The following SLC24A2 variants were observed in gnomAD, a reference collection of about 807,000 sequenced individuals.
SLC24A2 encodes the protein solute carrier family 24 member 2.
A neutral mutation model predicts 62.0 loss-of-function variants in SLC24A2; 36 were observed. That is an observed-to-expected ratio of 0.58 (90% CI 0.44 to 0.77). SLC24A2 has a LOEUF of 0.77. Among genes scored for constraint, SLC24A2 ranks in the 30% least tolerant of loss-of-function variants. The pLI is 0.00. For synonymous variants in SLC24A2, 358 were observed against 294.0 expected (o/e 1.22, Z -2.23); for missense variants, 846 against 817.9 (o/e 1.03, Z -0.42).
At chr9:19,637,477 G>T (rs903008494) in intron 2 of SLC24A2, among the ~76,000 whole-genome samples, 8 of 152,142 alleles carry the variant, frequency 5.3e-5, no homozygotes, top group African/African-American at 1.9e-4. Flanking sequence ...ATCTGTGATT[G>T]CATTCACCTT....
chr9:19,656,707 T>C (rs1818953371), intron 2 of SLC24A2, among the ~76,000 whole-genome samples: 1 of 152,222 alleles, frequency 6.6e-6, no homozygotes, highest in Non-Finnish European at 1.5e-5. Flanking sequence ...TCCTCCTCTT[T>C]TGAAATCTGA....
chr9:20,244,443 C>T, the SLC24A2 span, among the ~76,000 whole-genome samples: 1 of 152,168 alleles, frequency 6.6e-6, no homozygotes, highest in Non-Finnish European at 1.5e-5. Flanking sequence ...AGGCAGAGGA[C>T]CCGCCCAGCC....
At chr9:20,050,667 T>C in the SLC24A2 span, among the ~76,000 whole-genome samples, 4 of 152,272 alleles carry the variant, frequency 2.6e-5, no homozygotes, top group South Asian at 6.2e-4. Context: ...ATTTGATAGG[T>C]GAAGAAACTC....
the SLC24A2 span, among the ~76,000 whole-genome samples, chr9:20,237,339 AAAAAAG>A: frequency 6.6e-6 from 1 of 152,204 alleles, no homozygotes; most frequent in Non-Finnish European, 1.5e-5. Context: ...ATTCACTGTC[AAAAAAG>A]AAACAGGCTG....
chr9:19,750,162 T>C (rs1821942206), intron 2 of SLC24A2, among the ~76,000 whole-genome samples: 1 of 152,182 alleles, frequency 6.6e-6, no homozygotes, highest in Non-Finnish European at 1.5e-5. Context: ...TAAAGCTGAC[T>C]GGAAGATAAT....
chr9:19,902,321 A>C, the SLC24A2 span, among the ~76,000 whole-genome samples: 1 of 152,184 alleles, frequency 6.6e-6, no homozygotes, highest in Non-Finnish European at 1.5e-5. Flanking sequence ...TTTAGTTTAC[A>C]AGACTGAGTA....
At chr9:19,883,036 G>A in the SLC24A2 span, among the ~76,000 whole-genome samples, 4 of 152,156 alleles carry the variant, frequency 2.6e-5, no homozygotes, top group East Asian at 1.9e-4. Flanking sequence ...CATGCTGTGC[G>A]TTAGATCTCT....
chr9:19,690,227 G>T (rs1340317186), intron 2 of SLC24A2, among the ~76,000 whole-genome samples: 1 of 151,838 alleles, frequency 6.6e-6, no homozygotes, highest in African/African-American at 2.4e-5. Context: ...TTCTCCTATT[G>T]GTTCTATTTC....
At chr9:19,605,778 T>C (rs182107062) in intron 4 of SLC24A2, among the ~76,000 whole-genome samples, 5 of 152,210 alleles carry the variant, frequency 3.3e-5, no homozygotes, top group African/African-American at 9.6e-5. Context: ...TAGCATTCCA[T>C]TGAATACACT....
At chr9:19,872,202 A>G in the SLC24A2 span, among the ~76,000 whole-genome samples, 1 of 152,172 alleles carries the variant, frequency 6.6e-6, no homozygotes, top group South Asian at 2.1e-4. Context: ...ATATAGGAAC[A>G]TGCATTGTTT....
At chr9:19,829,966 T>C in the SLC24A2 span, among the ~76,000 whole-genome samples, 2 of 152,174 alleles carry the variant, frequency 1.3e-5, no homozygotes, top group African/African-American at 4.8e-5. Flanking sequence ...TCTTTCTTTC[T>C]TTTTTGATAT....
intron 8 of SLC24A2, among the ~76,000 whole-genome samples, chr9:19,534,916 T>G (rs1256056519): frequency 1.3e-5 from 2 of 152,172 alleles, no homozygotes; most frequent in Non-Finnish European, 2.9e-5. Flanking sequence ...TAATTCTAGA[T>G]CCTTGAGGAA....
At chr9:19,788,570 TG>T (rs1396006342) in intron 1 of SLC24A2, 1 of 985,274 alleles carries the variant, frequency 1.0e-6, no homozygotes, top group Admixed American at 6.1e-5. Context: ...GTGAGGCGCT[TG>T]GCCCGCATCC....
chr9:20,161,525 C>A, the SLC24A2 span, among the ~76,000 whole-genome samples: 1 of 151,196 alleles, frequency 6.6e-6, no homozygotes, highest in Non-Finnish European at 1.5e-5. Context: ...GAAAATATAT[C>A]ATTATCAAGT....
intron 2 of SLC24A2, among the ~76,000 whole-genome samples, chr9:19,771,428 G>A (rs913224844): frequency 6.6e-6 from 1 of 152,184 alleles, no homozygotes; most frequent in African/African-American, 2.4e-5. Context: ...AGAGCTATTT[G>A]TGGCTATCCA....
chr9:20,175,557 G>C, the SLC24A2 span, among the ~76,000 whole-genome samples: 1 of 151,656 alleles, frequency 6.6e-6, no homozygotes, highest in African/African-American at 2.4e-5. Flanking sequence ...AAATATATGT[G>C]GGAAAATTAT....
intron 2 of SLC24A2, among the ~76,000 whole-genome samples, chr9:19,649,648 T>C (rs1180583625): frequency 6.6e-6 from 1 of 152,356 alleles, no homozygotes; most frequent in African/African-American, 2.4e-5. Flanking sequence ...AGTACTAGCA[T>C]GTTCAAGCTT....
chr9:19,675,142 C>T (rs1204451320), intron 2 of SLC24A2, among the ~76,000 whole-genome samples: 1 of 152,136 alleles, frequency 6.6e-6, no homozygotes, highest in Non-Finnish European at 1.5e-5. Flanking sequence ...GATCTAGCCA[C>T]CCAGTGGAGC....
the SLC24A2 span, among the ~76,000 whole-genome samples, chr9:19,812,409 C>T: frequency 1.3e-5 from 2 of 152,112 alleles, no homozygotes; most frequent in Non-Finnish European, 2.9e-5. Flanking sequence ...AATCTATCTT[C>T]TACTTCACTA....
Sources: gnomAD v4.1 joint callset for allele counts (sites outside exome capture counted in the v4.1 genomes callset) on GRCh38, gnomAD v4.1.1 for gene constraint, MANE v1.5 for transcripts, NCBI Gene and HGNC (gene_info 2026-07-23, HGNC 2026-07-21) for gene names.